Variants in SIK3 observed in about 807,000 individuals in gnomAD.
The protein encoded by SIK3 is SIK family kinase 3, also known as serine/threonine-protein kinase SIK3.
A neutral mutation model predicts 144.2 loss-of-function variants in SIK3; 28 were observed. That is an observed-to-expected ratio of 0.19 (90% confidence interval 0.14 to 0.27). SIK3 has a LOEUF of 0.27. SIK3 is among the 10% of genes least tolerant of loss of function. SIK3 has a pLI of 1.00. For missense variants in SIK3, 1,319 were observed against 1,776.0 expected, an observed-to-expected ratio of 0.74 and a Z score of 4.62; for synonymous variants, 686 against 676.3, an observed-to-expected ratio of 1.01 and a Z score of -0.22.
At chr11:116,967,702 G>A (rs575576608) in intron 1 of SIK3, among the ~76,000 whole-genome samples, 5 of 152,200 alleles carry the variant, frequency 3.3e-5, no homozygotes, top group African/African-American at 9.6e-5. Context: ...ATGCATCCTC[G>A]GATGTCAGTA....
intron 1 of SIK3, among the ~76,000 whole-genome samples, chr11:117,017,988 C>A (rs904855987): frequency 2.0e-5 from 3 of 152,198 alleles, no homozygotes; most frequent in African/African-American, 7.2e-5. Context: ...ACGAACACTT[C>A]ATATCCTGCT....
chr11:116,944,627 T>C (rs1948487779), intron 3 of SIK3, among the ~76,000 whole-genome samples: 1 of 152,240 alleles, frequency 6.6e-6, no homozygotes, highest in Admixed American at 6.5e-5. Flanking sequence ...ACAAAAGTTC[T>C]GCATTTCGTA....
chr11:116,866,586 C>T (rs139447106), intron 15 of SIK3, among the ~76,000 whole-genome samples: 5,175 of 152,160 alleles, frequency 0.034, 147 homozygotes, highest in South Asian at 0.14. Flanking sequence ...GGACTACAGA[C>T]GCCCACCGCC....
Position 116,858,567 on chromosome 11 carries a change from T to C in SIK3, c.2898A>G (p.Gln966=). 6.2e-7 allele frequency: 1 copy of C among 1,613,778 alleles called. No homozygotes were observed. The highest frequency in any genetic ancestry group is 2.2e-5 in the East Asian group (1 of 44,868). The change falls in exon 21 of 25, where the codon CAA becomes CAG. Residue 966 remains glutamine (Q), a synonymous_variant. Coordinates refer to ENST00000445177, the MANE Select transcript of SIK3 (RefSeq NM_001366686.3). The surrounding 1 kb of genome is among the most constrained non-coding windows in gnomAD (Gnocchi z 5.4). Reference sequence around the variant, plus strand: ...GGTCAAGTGGAGGGACTTTCAGGGCTTGGGTTGGAGAGAACCCCACTCCTG... The same window carrying C: ...GGTCAAGTGGAGGGACTTTCAGGGCCTGGGTTGGAGAGAACCCCACTCCTG... ...PSTGVGFSPT[Q]ALKVPPLDQF... is the part of the protein sequence containing the mutation.
At chr11:116,969,001 T>C (rs746312807) in intron 1 of SIK3, among the ~76,000 whole-genome samples, 6 of 152,086 alleles carry the variant, frequency 3.9e-5, no homozygotes, top group African/African-American at 7.2e-5. Context: ...TCATTTAAGA[T>C]AGACAGACGG....
At chr11:116,878,179 C>G (rs575246400) in intron 6 of SIK3, among the ~76,000 whole-genome samples, 79 of 152,314 alleles carry the variant, frequency 5.2e-4, no homozygotes, top group Non-Finnish European at 1.1e-3. Context: ...GACTTACACG[C>G]TGCAAAAGTC....
chr11:117,045,704 T>C (rs1012138482), intron 1 of SIK3, among the ~76,000 whole-genome samples: 4 of 152,208 alleles, frequency 2.6e-5, no homozygotes, highest in African/African-American at 9.7e-5. Context: ...CGACAAGCCA[T>C]ATAACAGACT....
At chr11:116,897,924 G>C (rs1193223947) in intron 4 of SIK3, among the ~76,000 whole-genome samples, 1 of 151,644 alleles carries the variant, frequency 6.6e-6, no homozygotes, top group Non-Finnish European at 1.5e-5. Context: ...ATGATGTTAA[G>C]ACCACATTAG....
rs55829966 is a variant in SIK3, at chr11:117,020,991, A to G, written c.274-63927T>C. ...GACAGACTTGTGGGACTGAGCCCTC[A>G]ATCTGTGAGATCTGACGCTATCTCC... is the stretch of plus-strand genomic sequence containing the variant. On this transcript the variant is annotated intron_variant, in intron 1 of 24. Coordinates refer to ENST00000445177, the MANE Select transcript of SIK3 (RefSeq NM_001366686.3). Among the ~76,000 whole-genome samples, 350 of 152,308 alleles carry G rather than the reference A, an allele frequency of 2.3e-3. 3 individuals are homozygous for G. Among genetic ancestry groups the G allele is most frequent in the African/African-American group, 7.3e-3 (302 of 41,566 alleles).
At position 116,851,971 on chromosome 11, in the gene SIK3, C is replaced by T. The variant is rs576544605; in HGVS notation, c.3656-2688G>A. ...AACTAACATCATCCACTCAATTCCTCGGGGTGCTTTTTTCCTTTAAGCCTG... is the reference window on the plus strand; with the variant it reads ...AACTAACATCATCCACTCAATTCCTTGGGGTGCTTTTTTCCTTTAAGCCTG... On this transcript the variant is annotated intron_variant, in intron 21 of 24. Transcript: ENST00000445177. Among the ~76,000 whole-genome samples the T allele has an allele frequency of 5.3e-5, 8 of 152,356 alleles. No individual in the cohort carries two copies. The East Asian group carries it at 5.8e-4, about 11-fold the overall frequency.
chr11:116,961,720 T>C (rs529328619), intron 1 of SIK3, among the ~76,000 whole-genome samples: 1 of 152,298 alleles, frequency 6.6e-6, no homozygotes, highest in African/African-American at 2.4e-5. Flanking sequence ...AATTCTTTTA[T>C]CTTCCAAAGA....
At chr11:117,073,215 T>C (rs911859477) in intron 1 of SIK3, among the ~76,000 whole-genome samples, 1 of 152,256 alleles carries the variant, frequency 6.6e-6, no homozygotes, top group African/African-American at 2.4e-5. Flanking sequence ...TTAAATTATA[T>C]ACACATTCAT....
intron 1 of SIK3, among the ~76,000 whole-genome samples, chr11:117,044,464 T>C (rs964351683): frequency 6.8e-6 from 1 of 147,918 alleles, no homozygotes; most frequent in African/African-American, 2.6e-5. Flanking sequence ...GACATACAAC[T>C]AGACAAAAAG....
intron 1 of SIK3, among the ~76,000 whole-genome samples, chr11:117,089,320 C>T (rs1345189247): frequency 2.0e-5 from 3 of 150,902 alleles, no homozygotes; most frequent in South Asian, 4.2e-4. Context: ...GACAGGAGAA[C>T]GGCGTGAACC....
At chr11:116,943,971 A>C (rs1948445315) in intron 3 of SIK3, among the ~76,000 whole-genome samples, 1 of 152,158 alleles carries the variant, frequency 6.6e-6, no homozygotes, top group South Asian at 2.1e-4. Context: ...ATACATCAAA[A>C]GATCATTTCA....
intron 3 of SIK3, among the ~76,000 whole-genome samples, chr11:116,928,329 C>T (rs1947398536): frequency 6.6e-6 from 1 of 152,138 alleles, no homozygotes; most frequent in Non-Finnish European, 1.5e-5. Context: ...GAAATGTCAG[C>T]TATGATACAG....
chr11:116,867,887 C>T lies in SIK3; in HGVS notation c.1952+59G>A, dbSNP rs1943734275. 6.9e-7 allele frequency: 1 copy of T among 1,447,360 alleles called. No individual in the cohort carries two copies. The highest frequency in any genetic ancestry group is 2.8e-5 in the Admixed American group (1 of 35,908). 89.7% of individuals were successfully genotyped at this position (1,447,360 alleles called of 1,614,324 possible). On this transcript the variant is annotated intron_variant, in intron 15 of 24. Transcript: ENST00000445177. The surrounding 1 kb of genome is among the most constrained non-coding windows in gnomAD (Gnocchi z 4.1). ...TAGTCACCGTCGCTGTGAGACTAAT[C>T]AGAAGGGTGCCTGTCCGATGAGCCT... is the stretch of plus-strand genomic sequence containing the variant.
At chr11:117,086,936 A>G (rs942771752) in intron 1 of SIK3, among the ~76,000 whole-genome samples, 47 of 150,176 alleles carry the variant, frequency 3.1e-4, no homozygotes, top group African/African-American at 1.1e-3. Context: ...CAGAGGTTGC[A>G]GTGAGCCAAG....
intron 4 of SIK3, among the ~76,000 whole-genome samples, chr11:116,919,909 G>C (rs2135055422): frequency 6.6e-6 from 1 of 152,190 alleles, no homozygotes; most frequent in Middle Eastern, 3.4e-3. Context: ...TTCTTCCTTT[G>C]CATGTTTACT....
Sources: gnomAD v4.1 joint callset for allele counts (sites outside exome capture counted in the v4.1 genomes callset) on GRCh38, gnomAD v4.1.1 for gene constraint, Gnocchi (gnomAD v3.1) non-coding constraint, MANE v1.5 for transcripts, NCBI Gene and HGNC (gene_info 2026-07-23, HGNC 2026-07-21) for gene names.